The following CACNA1E variants were observed in gnomAD, a reference collection of about 807,000 sequenced individuals.
The protein encoded by CACNA1E is calcium voltage-gated channel subunit alpha1 E.
Under a neutral mutation model 259.2 loss-of-function variants are expected in CACNA1E, and 40 were observed. The observed-to-expected ratio is 0.15, with a 90% confidence interval of 0.12 to 0.20. The LOEUF is 0.20. CACNA1E is among the 10% of genes least tolerant of loss of function. The pLI, the probability that CACNA1E is intolerant of heterozygous loss-of-function variation, is 1.00. For synonymous variants in CACNA1E, 1,104 were observed against 1,138.5 expected (o/e 0.97, Z 0.61); for missense variants, 1,874 against 3,040.1 (o/e 0.62, Z 9.02).
intron 7 of CACNA1E, among the ~76,000 whole-genome samples, chr1:181,684,333 G>C (rs1033681199): frequency 6.6e-6 from 1 of 151,806 alleles, no homozygotes; most frequent in African/African-American, 2.4e-5. Context: ...GGGCTTGTTT[G>C]GTTTTCACTG....
intron 5 of CACNA1E, 33 bp downstream of exon 5, chr1:181,579,257 C>A: frequency 6.3e-7 from 1 of 1,578,220 alleles, no homozygotes; most frequent in African/African-American, 1.4e-5. Flanking sequence ...TCTCCTTTTC[C>A]CTTCTCCCCT....
chr1:181,385,942 A>G (rs1655815823), intron 1 of CACNA1E, among the ~76,000 whole-genome samples: 1 of 151,890 alleles, frequency 6.6e-6, no homozygotes, highest in African/African-American at 2.4e-5. Context: ...CATCTACCAT[A>G]TATATACTGA....
chr1:181,376,400 A>T (rs10910927), intron 1 of CACNA1E, among the ~76,000 whole-genome samples: 2 of 152,084 alleles, frequency 1.3e-5, no homozygotes, highest in African/African-American at 4.8e-5. Context: ...CTACGATTGC[A>T]TTGGCCTATT....
rs140305640 is a variant in CACNA1E, at chr1:181,719,294, G to A, written c.1639-457G>A. Among the ~76,000 whole-genome samples the A allele has an allele frequency of 8.0e-3, 1,214 of 152,286 alleles. 9 individuals are homozygous for A. Among genetic ancestry groups the A allele is most frequent in the Admixed American group, 0.024 (372 of 15,296 alleles). Reference sequence around the variant, plus strand: ...ACATCACCATGAACTGTCACATTGCGGGATGCAAGACCTCCATGACTGAAA... The same window carrying A: ...ACATCACCATGAACTGTCACATTGCAGGATGCAAGACCTCCATGACTGAAA... On this transcript the variant is annotated intron_variant, in intron 12 of 47. Coordinates refer to ENST00000367573, the MANE Select transcript of CACNA1E (RefSeq NM_001205293.3).
chr1:181,514,568 T>A (rs921050307), intron 3 of CACNA1E, among the ~76,000 whole-genome samples: 1 of 152,154 alleles, frequency 6.6e-6, no homozygotes, highest in Non-Finnish European at 1.5e-5. Context: ...CCCACAGCAG[T>A]CCCTGCTGAC....
At chr1:181,353,741 C>T (rs568318720) in intron 1 of CACNA1E, among the ~76,000 whole-genome samples, 3 of 152,270 alleles carry the variant, frequency 2.0e-5, no homozygotes, top group Admixed American at 6.5e-5. Context: ...CAGATCCACC[C>T]ACCTAGATTC....
At position 181,808,010 on chromosome 1, in the gene CACNA1E, A is replaced by G. The variant is rs1316399152; in HGVS notation, c.*9176A>G. The G allele has an allele frequency of 6.6e-6, 1 of 152,148 alleles. No homozygotes were observed. Among genetic ancestry groups the G allele is most frequent in the Non-Finnish European group, 1.5e-5 (1 of 68,030 alleles). 9.4% of individuals were successfully genotyped at this position (152,148 alleles called of 1,614,324 possible). On this transcript the variant is annotated 3_prime_UTR_variant, in exon 48 of 48. Coordinates refer to ENST00000367573, the MANE Select transcript of CACNA1E (RefSeq NM_001205293.3). ...ATGATTTCTGTTCTTGTTTTCTTCT[A>G]ACCTAGAACTCAGGTCCACAGTTTT...
chr1:181,806,191 T>C lies in CACNA1E; in HGVS notation c.*7357T>C, dbSNP rs1232073014. The C allele has an allele frequency of 1.3e-5, 2 of 152,220 alleles. No individual in the cohort carries two copies. Among genetic ancestry groups the C allele is most frequent in the Non-Finnish European group, 2.9e-5 (2 of 68,056 alleles). 9.4% of individuals were successfully genotyped at this position (152,220 alleles called of 1,614,324 possible). On this transcript the variant is annotated 3_prime_UTR_variant, in exon 48 of 48. Transcript: ENST00000367573. ...AGTAGCACCAATAAAGGAGAGATTA[T>C]GTTAACTTCCTAGTGGTGAGAATAC...
At chr1:181,374,191 G>A (rs1198987775) in intron 1 of CACNA1E, among the ~76,000 whole-genome samples, 3 of 151,926 alleles carry the variant, frequency 2.0e-5, no homozygotes, top group Non-Finnish European at 4.4e-5. Context: ...CAGAAAGTCT[G>A]GTATGTTTGA....
At chr1:181,784,828 T>C in intron 41 of CACNA1E, 60 bp downstream of exon 41, 1 of 1,009,822 alleles carries the variant, frequency 9.9e-7, no homozygotes, top group Non-Finnish European at 1.5e-6. Flanking sequence ...AGACTACGTC[T>C]TTGGGGGGAA....
intron 7 of CACNA1E, among the ~76,000 whole-genome samples, chr1:181,709,123 T>C (rs1379184922): frequency 6.6e-6 from 1 of 152,130 alleles, no homozygotes; most frequent in East Asian, 1.9e-4. Context: ...ACAGGAGGGA[T>C]TGAAAGAAGC....
intron 6 of CACNA1E, among the ~76,000 whole-genome samples, chr1:181,593,634 G>T (rs1419342331): frequency 2.0e-5 from 3 of 152,136 alleles, no homozygotes; most frequent in Admixed American, 6.5e-5. Context: ...CTCCGCTCGG[G>T]TTCAAGCGAT....
intron 44 of CACNA1E, 30 bp downstream of exon 44, chr1:181,790,586 C>T (rs1661216294): frequency 7.7e-7 from 1 of 1,302,758 alleles, no homozygotes; most frequent in Non-Finnish European, 1.1e-6. Flanking sequence ...GACCTCAAAA[C>T]TACTTCCTTG....
intron 2 of CACNA1E, among the ~76,000 whole-genome samples, chr1:181,421,978 C>T (rs1225383971): frequency 2.0e-5 from 3 of 152,228 alleles, no homozygotes; most frequent in Non-Finnish European, 4.4e-5. Context: ...CTCATCTACT[C>T]TCTCCCTTGT....
intron 2 of CACNA1E, among the ~76,000 whole-genome samples, chr1:181,435,065 C>A (rs972102492): frequency 6.6e-6 from 1 of 152,208 alleles, no homozygotes; most frequent in Non-Finnish European, 1.5e-5. Context: ...CTGCATTTAA[C>A]ACCATCTAAA....
At chr1:181,795,505 A>G (rs1661711328) in intron 46 of CACNA1E, among the ~76,000 whole-genome samples, 1 of 149,294 alleles carries the variant, frequency 6.7e-6, no homozygotes, top group Non-Finnish European at 1.5e-5. Context: ...CAGTGGTGTG[A>G]TCTCGGCTCA....
Position 181,732,767 on chromosome 1 carries a change from C to T in CACNA1E, c.2681C>T (p.Pro894Leu), listed in dbSNP as rs200322209. 795 of 1,577,098 alleles carry T rather than the reference C, an allele frequency of 5.0e-4. 2 individuals are homozygous for T. The highest frequency in any genetic ancestry group is 6.0e-4 in the Admixed American group (34 of 56,334). Reference sequence around the variant, plus strand: ...AGGCCCTGTCATGGAAACTGTGACCCGACTCAGCAGGAGGCAGGGGGAGGA... The same window carrying T: ...AGGCCCTGTCATGGAAACTGTGACCTGACTCAGCAGGAGGCAGGGGGAGGA... ...LARPCHGNCD[P>L]TQQEAGGGEA... The change falls in exon 20 of 48, where the codon CCG becomes CTG. Residue 894 changes from proline to leucine, a missense_variant. Transcript: ENST00000367573. This position sits in a 1 kb window ranked among gnomAD's most constrained non-coding sequence, Gnocchi z 5.5.
chr1:181,758,655 G>T lies in CACNA1E; in HGVS notation c.4495-103G>T. 1 of 662,028 alleles carries T rather than the reference G, an allele frequency of 1.5e-6. No individual in the cohort carries two copies. 41.0% of individuals were successfully genotyped at this position (662,028 alleles called of 1,614,324 possible). ...CTCCTCCTGTACCACACACCAGAGT[G>T]TCCCACAGGGCAGGAATGAGAGATG... On this transcript the variant is annotated intron_variant, in intron 31 of 47. Transcript: ENST00000367573. This position sits in a 1 kb window ranked among gnomAD's most constrained non-coding sequence, Gnocchi z 4.2.
chr1:181,391,290 CT>C (rs1395990346), intron 1 of CACNA1E, among the ~76,000 whole-genome samples: 1 of 152,226 alleles, frequency 6.6e-6, no homozygotes, highest in African/African-American at 2.4e-5. Context: ...TGCCACTCCC[CT>C]GCTTAAAAAC....
Sources: gnomAD v4.1 joint callset for allele counts (sites outside exome capture counted in the v4.1 genomes callset) on GRCh38, gnomAD v4.1.1 for gene constraint, Gnocchi (gnomAD v3.1) non-coding constraint, MANE v1.5 for transcripts, NCBI Gene and HGNC (gene_info 2026-07-23, HGNC 2026-07-21) for gene names.